FBN1: variants seen among roughly 807,000 people sequenced by gnomAD.
The protein encoded by FBN1 is fibrillin-1.
In FBN1, 29 loss-of-function variants were observed where a neutral mutation model predicts 365.1. The observed-to-expected ratio is 0.08, with a 90% CI of 0.06 to 0.11. The LOEUF (loss-of-function observed/expected upper bound fraction) is 0.11. Ranked by LOEUF, FBN1 falls within the 10% of genes least tolerant of loss-of-function variation. The probability of loss-of-function intolerance (pLI) is 1.00; values close to 1 mark genes in which losing one functional copy is unlikely to be tolerated. For missense variants in FBN1, 2,476 were observed against 3,703.2 expected, an observed-to-expected ratio of 0.67 and a Z score of 8.60; for synonymous variants, 1,210 against 1,270.5, an observed-to-expected ratio of 0.95 and a Z score of 1.01.
intron 30 of FBN1, among the ~76,000 whole-genome samples, chr15:48,484,625 C>T (rs2043491290): frequency 6.6e-6 from 1 of 152,186 alleles, no homozygotes; most frequent in South Asian, 2.1e-4. Flanking sequence ...CCTGCCTCAG[C>T]CTCCCACAGT....
intron 17 of FBN1, among the ~76,000 whole-genome samples, chr15:48,501,865 T>A (rs943872561): frequency 6.6e-6 from 1 of 152,232 alleles, no homozygotes; most frequent in Admixed American, 6.5e-5. Flanking sequence ...TATAAAGTTA[T>A]AGGCAAATGT....
chr15:48,464,072 G>A (rs1327051123), intron 40 of FBN1, 51 bp from the exon 41 acceptor site: 5 of 1,579,620 alleles, frequency 3.2e-6, no homozygotes, highest in Non-Finnish European at 4.3e-6. Flanking sequence ...TCACATTTTG[G>A]AATGGCCTGA....
intron 6 of FBN1, among the ~76,000 whole-genome samples, chr15:48,590,264 C>T (rs1175140432): frequency 6.6e-6 from 1 of 152,188 alleles, no homozygotes; most frequent in Non-Finnish European, 1.5e-5. Flanking sequence ...AAAATCAGCT[C>T]CTGATTCCAT....
At chr15:48,477,444 C>T (rs1200751451) in intron 32 of FBN1, among the ~76,000 whole-genome samples, 1 of 152,180 alleles carries the variant, frequency 6.6e-6, no homozygotes, top group Non-Finnish European at 1.5e-5. Context: ...TTTACACTCT[C>T]AGTATGTAAC....
intron 6 of FBN1, among the ~76,000 whole-genome samples, chr15:48,575,419 C>T (rs1442305684): frequency 6.6e-6 from 1 of 152,146 alleles, no homozygotes; most frequent in East Asian, 1.9e-4. Flanking sequence ...TAATGGCAAA[C>T]TCTGGCTTTT....
In FBN1 at chr15:48,482,871, T is replaced by C. The variant is rs558357410; in HGVS notation, c.3838+947A>G. Among the ~76,000 whole-genome samples the C allele has an allele frequency of 9.8e-5, 15 of 152,308 alleles. No homozygotes were observed. The East Asian group carries it at 2.7e-3, about 27-fold the overall frequency. On this transcript the variant is annotated intron_variant, in intron 31 of 65. Coordinates refer to ENST00000316623, the MANE Select transcript of FBN1 (RefSeq NM_000138.5). The stretch of plus-strand genomic sequence containing the variant: ...CCAGCCTGACTGGAAAGCCTCATAA[T>C]TCACAGGGAATTGGGTAGAATATCC...
chr15:48,585,023 T>C (rs1052356673), intron 6 of FBN1, among the ~76,000 whole-genome samples: 1 of 152,242 alleles, frequency 6.6e-6, no homozygotes, highest in African/African-American at 2.4e-5. Flanking sequence ...GAATATATCA[T>C]TGGAATCCCT....
Position 48,410,832 on chromosome 15 carries a change from T to C in FBN1, c.*158A>G, listed in dbSNP as rs1449953745. On this transcript the variant is annotated 3_prime_UTR_variant, in exon 66 of 66. Coordinates refer to ENST00000316623, the MANE Select transcript of FBN1 (RefSeq NM_000138.5). ...GTTGTTTTGAACTAGGGTAGTCACCTGTACCTTGCTTTGGTAATACAAAGA... is the reference window on the plus strand; with the variant it reads ...GTTGTTTTGAACTAGGGTAGTCACCCGTACCTTGCTTTGGTAATACAAAGA... 1 of 731,432 alleles carries C rather than the reference T, an allele frequency of 1.4e-6. No homozygotes were observed. The highest frequency in any genetic ancestry group is 3.9e-4 in the Middle Eastern group (1 of 2,540). 45.3% of individuals were successfully genotyped at this position (731,432 alleles called of 1,614,324 possible).
chr15:48,419,146 G>C (rs1489935090), intron 63 of FBN1, among the ~76,000 whole-genome samples: 1 of 152,132 alleles, frequency 6.6e-6, no homozygotes, highest in Admixed American at 6.5e-5. Flanking sequence ...TCTCAAGATT[G>C]ATGAGAGCAA....
At chr15:48,580,970 C>T (rs1597616434) in intron 6 of FBN1, among the ~76,000 whole-genome samples, 1 of 152,184 alleles carries the variant, frequency 6.6e-6, no homozygotes, top group Admixed American at 6.5e-5. Context: ...AACACCAACT[C>T]TGACATGACT....
At chr15:48,418,866 T>C (rs2042919775) in intron 63 of FBN1, among the ~76,000 whole-genome samples, 1 of 152,236 alleles carries the variant, frequency 6.6e-6, no homozygotes, top group Non-Finnish European at 1.5e-5. Flanking sequence ...GGAGTACCGA[T>C]AGGAAACTTC....
intron 15 of FBN1, among the ~76,000 whole-genome samples, chr15:48,505,802 A>G (rs2043703321): frequency 6.6e-6 from 1 of 152,242 alleles, no homozygotes; most frequent in Admixed American, 6.5e-5. Context: ...GTGTATACTT[A>G]AGGAGGTCTG....
At position 48,447,077 on chromosome 15, in the gene FBN1, A is replaced by G. The variant is rs2303500; in HGVS notation, c.5672-255T>C. On this transcript the variant is annotated intron_variant, in intron 46 of 65. Transcript: ENST00000316623. ...CAAGCTAAGGACATGAGACCTGAAC[A>G]AGAATTATTTTATTCTATTTACTTC... 0.67 allele frequency among the ~76,000 whole-genome samples: 101,660 copies of G among 151,950 alleles called. 35,031 individuals are homozygous for G. The highest frequency in any genetic ancestry group is 0.78 in the Middle Eastern group (228 of 294).
At chr15:48,609,493 G>A (rs1376161033) in intron 4 of FBN1, among the ~76,000 whole-genome samples, 1 of 152,232 alleles carries the variant, frequency 6.6e-6, no homozygotes, top group Non-Finnish European at 1.5e-5. Flanking sequence ...AGCTAATAAA[G>A]TACATTATCA....
At chr15:48,606,150 A>G (rs1265240092) in intron 4 of FBN1, among the ~76,000 whole-genome samples, 1 of 152,148 alleles carries the variant, frequency 6.6e-6, no homozygotes, top group Non-Finnish European at 1.5e-5. Flanking sequence ...ACATACGGCG[A>G]CTCCAAAAAC....
At chr15:48,461,351 GT>G (rs2141264895) in intron 42 of FBN1, among the ~76,000 whole-genome samples, 1 of 152,252 alleles carries the variant, frequency 6.6e-6, no homozygotes, top group South Asian at 2.1e-4. Context: ...AAAAGTAAAT[GT>G]TAGTCTACAT....
At chr15:48,573,377 G>A (rs2044320931) in intron 6 of FBN1, among the ~76,000 whole-genome samples, 2 of 152,134 alleles carry the variant, frequency 1.3e-5, no homozygotes, top group South Asian at 4.1e-4. Flanking sequence ...TCACATTGTT[G>A]TACTAACCAT....
intron 6 of FBN1, among the ~76,000 whole-genome samples, chr15:48,568,037 GA>G (rs375685530): frequency 2.3e-4 from 16 of 70,886 alleles, no homozygotes; most frequent in African/African-American, 8.9e-4. Context: ...AAGAAAGAAA[GA>G]AAGAAAGAAA....
At chr15:48,541,019 T>A (rs1272845166) in intron 6 of FBN1, among the ~76,000 whole-genome samples, 37 of 151,976 alleles carry the variant, frequency 2.4e-4, no homozygotes, top group Admixed American at 2.4e-3. Flanking sequence ...ATCCAGACAC[T>A]CTACAAAATG....
Sources: allele counts gnomAD v4.1 joint callset (sites outside exome capture counted in the v4.1 genomes callset), GRCh38; gene constraint gnomAD v4.1.1; transcripts MANE v1.5; gene names NCBI Gene and HGNC (gene_info 2026-07-23, HGNC 2026-07-21).